Variants in PFKP observed in about 807,000 individuals in gnomAD.
The protein encoded by PFKP is ATP-dependent 6-phosphofructokinase, platelet type.
In PFKP, 101 loss-of-function variants were observed where a neutral mutation model predicts 94.3. The observed-to-expected ratio is 1.07, with a 90% CI of 0.91 to 1.26. The LOEUF (loss-of-function observed/expected upper bound fraction) is 1.26. Among genes scored for constraint, PFKP ranks in the 50% most tolerant of loss-of-function variants. The pLI, the probability that PFKP is intolerant of heterozygous loss-of-function variation, is 0.00. For synonymous variants in PFKP, 573 were observed against 432.6 expected (o/e 1.32, Z -4.03); for missense variants, 1,145 against 1,103.3 (o/e 1.04, Z -0.53).
chr10:3,133,428 TAAA>T (rs1588580686), intron 19 of PFKP, 114 bp downstream of exon 19: 2 of 754,064 alleles, frequency 2.7e-6, no homozygotes, highest in East Asian at 2.6e-5. Context: ...TCCAAGATGA[TAAA>T]AAACATCTGA....
intron 2 of PFKP, among the ~76,000 whole-genome samples, chr10:3,095,232 C>CCG (rs1484737642): frequency 4.2e-4 from 36 of 85,410 alleles, no homozygotes; most frequent in Admixed American, 1.1e-3. Context: ...TCCGAGAAAG[C>CCG]CACCCATAGG....
chr10:3,126,946 C>T (rs532409341), intron 16 of PFKP, among the ~76,000 whole-genome samples: 2 of 152,350 alleles, frequency 1.3e-5, no homozygotes, highest in East Asian at 1.9e-4. Context: ...GTGCCACTCA[C>T]AGCTGCTGTC....
chr10:3,107,068 T>C (rs1835705662), intron 7 of PFKP, 146 bp from the exon 8 acceptor site: 5 of 461,286 alleles, frequency 1.1e-5, no homozygotes, highest in Non-Finnish European at 1.2e-5. Flanking sequence ...TCTGATGTCA[T>C]TGGGAAGCAG....
intron 19 of PFKP, 29 bp from the exon 20 acceptor site, chr10:3,134,454 G>A (rs766997864): frequency 2.4e-6 from 3 of 1,237,074 alleles, no homozygotes; most frequent in Non-Finnish European, 3.6e-6. Flanking sequence ...TGTATAACTG[G>A]TATTTCATAT....
chr10:3,101,020 G>A (rs531028983), intron 3 of PFKP: 9 of 1,596,010 alleles, frequency 5.6e-6, no homozygotes, highest in Admixed American at 5.0e-5. Flanking sequence ...CTTGTCTTTG[G>A]TTCCACGTGC....
At chr10:3,132,938 C>T (rs576500836) in intron 18 of PFKP, among the ~76,000 whole-genome samples, 11 of 152,328 alleles carry the variant, frequency 7.2e-5, no homozygotes, top group Non-Finnish European at 8.8e-5. Context: ...GATTTCATCA[C>T]GCTACTCAGA....
chr10:3,072,857 T>C (rs751841124), intron 1 of PFKP, among the ~76,000 whole-genome samples: 2 of 151,942 alleles, frequency 1.3e-5, no homozygotes, highest in African/African-American at 2.4e-5. Context: ...GGATACCAGA[T>C]TGCACGTTCA....
chr10:3,080,029 C>A (rs1396556467), intron 1 of PFKP, among the ~76,000 whole-genome samples: 1 of 151,866 alleles, frequency 6.6e-6, no homozygotes. Context: ...GTGCCAGAGC[C>A]GAGGAGGAGT....
At chr10:3,099,378 G>A (rs528085967) in intron 3 of PFKP, 26 bp downstream of exon 3, 47 of 1,568,466 alleles carry the variant, frequency 3.0e-5, no homozygotes, top group Non-Finnish European at 3.9e-5. Context: ...CGTCCACAGG[G>A]TTCTCTGAGT....
chr10:3,079,660 G>GGGGC (rs1358290892), intron 1 of PFKP, among the ~76,000 whole-genome samples: 1 of 65,824 alleles, frequency 1.5e-5, no homozygotes, highest in Non-Finnish European at 3.6e-5. Flanking sequence ...CAGAGAGCGG[G>GGGGC]GTGGGGGGGG....
chr10:3,108,946 G>A lies in PFKP; in HGVS notation c.963+153G>A, dbSNP rs191626718. Among the ~76,000 whole-genome samples, 127 of 152,272 alleles carry A rather than the reference G, an allele frequency of 8.3e-4. 1 individual carries two copies. Among genetic ancestry groups the A allele is most frequent in the Non-Finnish European group, 1.3e-3 (91 of 68,028 alleles). ...CATCTTAACGATCCTTGAGACCTTTGGTGTAGACCAGTCTCTAGGCCTGCA... is the reference window on the plus strand; with the variant it reads ...CATCTTAACGATCCTTGAGACCTTTAGTGTAGACCAGTCTCTAGGCCTGCA... On this transcript the variant is annotated intron_variant, in intron 9 of 21. Transcript: ENST00000381125.
At chr10:3,079,924 T>G (rs961997233) in intron 1 of PFKP, among the ~76,000 whole-genome samples, 12 of 150,932 alleles carry the variant, frequency 8.0e-5, no homozygotes, top group Non-Finnish European at 1.5e-4. Context: ...GGAGGCTCTG[T>G]CCTGCCAGGA....
At chr10:3,107,409 T>G (rs1218059538) in intron 8 of PFKP, 100 bp downstream of exon 8, 2 of 700,656 alleles carry the variant, frequency 2.9e-6, no homozygotes, top group African/African-American at 3.6e-5. Flanking sequence ...AATTATTAAC[T>G]TTTTATCCTT....
Position 3,107,266 on chromosome 10 carries a change from T to C in PFKP, c.827T>C (p.Ile276Thr). 1.9e-6 allele frequency: 3 copies of C among 1,612,404 alleles called. No individual in the cohort carries two copies. The highest frequency in any genetic ancestry group is 2.5e-6 in the Non-Finnish European group (3 of 1,178,972). Residue 276 changes from isoleucine to threonine, a missense_variant, in exon 8 of 22, where the codon ATT becomes ACT. By Grantham distance (89) the Ile-to-Thr change is moderately conservative. Around this residue, in one of 3 missense-constraint regions of PFKP, gnomAD observed 1,119 missense variants for 1,062.8 expected, o/e 1.05. Coordinates refer to ENST00000381125, the MANE Select transcript of PFKP (RefSeq NM_002627.5). ...ATTATTATTGTGGCTGAAGGAGCAA[T>C]TGATACCCAAAATAAACCCATCACC... ...LNIIIVAEGA[I>T]DTQNKPITSE...
intron 20 of PFKP, 102 bp downstream of exon 20, chr10:3,134,684 T>C (rs1211292241): frequency 9.3e-6 from 7 of 754,074 alleles, no homozygotes; most frequent in Non-Finnish European, 1.6e-5. Context: ...TGGTTCCTTC[T>C]TCAGTTCAGT....
chr10:3,115,348 GAT>G (rs1836693972), intron 13 of PFKP, among the ~76,000 whole-genome samples: 1 of 85,586 alleles, frequency 1.2e-5, no homozygotes, highest in African/African-American at 3.0e-5. Flanking sequence ...CAGGACTGGG[GAT>G]GCTGGAGTGA....
intron 5 of PFKP, chr10:3,104,881 C>T (rs555320312): frequency 3.3e-6 from 2 of 603,188 alleles, no homozygotes; most frequent in Admixed American, 3.0e-5. Flanking sequence ...CTGGAGAGCG[C>T]AGAGGTGGCT....
At chr10:3,080,101 G>T (rs1188358118) in intron 1 of PFKP, among the ~76,000 whole-genome samples, 1 of 95,350 alleles carries the variant, frequency 1.0e-5, no homozygotes. Flanking sequence ...TTCAGGAACA[G>T]GAGCCTCCGA....
rs752804592 is a variant in PFKP, at chr10:3,103,762, G to A, written c.455-17G>A. The A allele has an allele frequency of 8.1e-6, 13 of 1,613,382 alleles. No homozygotes were observed. The highest frequency in any genetic ancestry group is 1.3e-5 in the African/African-American group (1 of 74,938). ...CATGGTTACGGCGATGAGACGTGCT[G>A]TTTGCTCCCCGCGCAGGCCAGATCG... is the stretch of plus-strand genomic sequence containing the variant. On this transcript the variant is annotated splice_polypyrimidine_tract_variant and intron_variant, in intron 4 of 21. Coordinates refer to ENST00000381125, the MANE Select transcript of PFKP (RefSeq NM_002627.5).
Sources: gnomAD v4.1 joint callset for allele counts (sites outside exome capture counted in the v4.1 genomes callset) on GRCh38, gnomAD v4.1.1 for gene constraint, gnomAD v4.1.1 regional missense constraint, MANE v1.5 for transcripts, NCBI Gene and HGNC (gene_info 2026-07-23, HGNC 2026-07-21) for gene names.